The following SERPINB11 variants were observed in gnomAD, a reference collection of about 807,000 sequenced individuals.
The protein encoded by SERPINB11 is serpin family B member 11.
A neutral mutation model predicts 36.7 loss-of-function variants in SERPINB11; 32 were observed. That is an observed-to-expected ratio of 0.87 (90% CI 0.66 to 1.17). The LOEUF is 1.17. Ranked by LOEUF, SERPINB11 falls within the 50% of genes most tolerant of loss-of-function variation. The pLI is 0.00. For missense variants in SERPINB11, 528 were observed against 458.4 expected, an observed-to-expected ratio of 1.15 and a Z score of -1.39; for synonymous variants, 174 against 168.1, an observed-to-expected ratio of 1.04 and a Z score of -0.27.
Position 63,716,109 on chromosome 18 carries a change from A to C in SERPINB11, c.432A>C (p.Glu144Asp), listed in dbSNP as rs1350577209. 1 of 1,611,446 alleles carries C rather than the reference A, an allele frequency of 6.2e-7. No individual in the cohort carries two copies. The highest frequency in any genetic ancestry group is 8.5e-7 in the Non-Finnish European group (1 of 1,178,382). Residue 144 changes from glutamate (E) to aspartate (D), a missense_variant, in exon 5 of 8, where the codon GAA (glutamate) becomes GAC (aspartate). By Grantham distance (45) the Glu-to-Asp change is conservative. Coordinates refer to ENST00000544088, the MANE Select transcript of SERPINB11 (RefSeq NM_001370475.1). The part of the protein sequence containing the change: ...QTVDFEQSTE[E>D]TRKTINAWVE... ...TGGATTTTGAACAGTCTACAGAAGA[A>C]ACGAGGAAAACGATTAATGCTTGGG...
intron 4 of SERPINB11, among the ~76,000 whole-genome samples, chr18:63,713,922 T>C (rs1321385132): frequency 5.3e-5 from 8 of 152,168 alleles, no homozygotes; most frequent in Admixed American, 5.2e-4. Flanking sequence ...GGATTCTGGC[T>C]GGGAAAAAGT....
chr18:63,714,459 A>G (rs753423213), intron 4 of SERPINB11, among the ~76,000 whole-genome samples: 7 of 152,078 alleles, frequency 4.6e-5, no homozygotes, highest in Non-Finnish European at 7.4e-5. Flanking sequence ...CCTCGTCCTG[A>G]TAGGCCTGGG....
Position 63,712,587 on chromosome 18 carries a change from A to C in SERPINB11, c.251A>C (p.His84Pro), listed in dbSNP as rs1422802591. ...SPKCSQAGRI[H>P]SEFGVEFSQI... ...CAGTGCAGCCAAGCTGGAAGAATTC[A>C]TTCCGAGTTTGGTGTCGAATTCTCT... Residue 84 changes from histidine (H) to proline (P), a missense_variant, in exon 4 of 8, where the codon CAT becomes CCT. His to Pro is a moderately conservative substitution (Grantham distance 77). Transcript: ENST00000544088. 5 of 1,613,694 alleles carry C rather than the reference A, an allele frequency of 3.1e-6. No homozygotes were observed. Among genetic ancestry groups the C allele is most frequent in the Non-Finnish European group, 4.2e-6 (5 of 1,179,722 alleles).
intron 6 of SERPINB11, 124 bp from the exon 7 acceptor site, chr18:63,720,707 T>C: frequency 1.5e-6 from 1 of 660,246 alleles, no homozygotes; most frequent in Non-Finnish European, 2.5e-6. Context: ...ATCTACTTTG[T>C]AGTTTCTATT....
intron 5 of SERPINB11, among the ~76,000 whole-genome samples, chr18:63,717,969 T>C (rs1176822601): frequency 1.3e-5 from 2 of 152,100 alleles, no homozygotes; most frequent in African/African-American, 4.8e-5. Context: ...AGAAGTTTTA[T>C]TGTTTTATTA....
At chr18:63,704,576 C>T (rs1303017352) in intron 1 of SERPINB11, among the ~76,000 whole-genome samples, 1 of 152,158 alleles carries the variant, frequency 6.6e-6, no homozygotes, top group Non-Finnish European at 1.5e-5. Context: ...TTGAATTATT[C>T]TAATTCAAAC....
intron 1 of SERPINB11, among the ~76,000 whole-genome samples, chr18:63,706,011 T>C (rs536275244): frequency 2.0e-5 from 3 of 152,348 alleles, no homozygotes; most frequent in South Asian, 4.1e-4. Context: ...AGGTACAGAA[T>C]TGTATTTTAG....
At chr18:63,715,917 C>A (rs1022661441) in intron 4 of SERPINB11, 118 bp from the exon 5 acceptor site, 3 of 575,412 alleles carry the variant, frequency 5.2e-6, no homozygotes, top group African/African-American at 3.9e-5. Flanking sequence ...TCCTCTCAGA[C>A]TTGTTTATGG....
At position 63,723,720 on chromosome 18, in the gene SERPINB11, CTGT is replaced by C; in HGVS notation, c.*322_*324del. 1 of 224,194 alleles carries C rather than the reference CTGT, an allele frequency of 4.5e-6. No homozygotes were observed. 13.9% of individuals were successfully genotyped at this position (224,194 alleles called of 1,614,324 possible). A position where few individuals can be genotyped will look rare whatever the true frequency, so the allele number is the denominator to read the frequency against. ...TTAGATTTTCTTGACTTGTATGTAT[CTGT>C]GAGATCTTGAATAAGTGACCTGACA... is the stretch of plus-strand genomic sequence containing the variant. On this transcript the variant is annotated 3_prime_UTR_variant, in exon 8 of 8. Transcript: ENST00000544088.
intron 7 of SERPINB11, among the ~76,000 whole-genome samples, chr18:63,721,976 C>T (rs746728920): frequency 5.3e-5 from 8 of 152,142 alleles, no homozygotes; most frequent in Non-Finnish European, 1.2e-4. Flanking sequence ...AGAAAGTTTT[C>T]TGGAAGTAGA....
At chr18:63,715,189 A>G (rs11152404) in intron 4 of SERPINB11, among the ~76,000 whole-genome samples, 56,416 of 151,876 alleles carry the variant, frequency 0.37, 11,332 homozygotes, top group East Asian at 0.61. Flanking sequence ...TGGGGCATTG[A>G]GTCCCACTGG....
chr18:63,706,654 G>A (rs988123007), intron 1 of SERPINB11, among the ~76,000 whole-genome samples: 3 of 152,118 alleles, frequency 2.0e-5, no homozygotes, highest in Non-Finnish European at 4.4e-5. Context: ...AGTGAACAAG[G>A]GTGTATAGAA....
chr18:63,716,200 A>C, intron 5 of SERPINB11, 48 bp downstream of exon 5: 1 of 1,204,964 alleles, frequency 8.3e-7, no homozygotes, highest in Non-Finnish European at 1.2e-6. Context: ...TGTGTTGATA[A>C]GCAACCTGAG....
upstream of SERPINB11, chr18:63,702,421 T>C (rs931554516): frequency 6.6e-6 from 1 of 152,098 alleles, no homozygotes; most frequent in Admixed American, 6.6e-5. Context: ...TGAAACCCTG[T>C]CTCCACTAAA....
Position 63,710,216 on chromosome 18 carries a change from A to C in SERPINB11, c.23A>C (p.Asn8Thr). The change falls in exon 2 of 8, where the codon AAC becomes ACC. Residue 8 changes from asparagine to threonine, a missense_variant. Coordinates refer to ENST00000544088, the MANE Select transcript of SERPINB11 (RefSeq NM_001370475.1). ...AAAATGGGTTCTCTCAGCACAGCTA[A>C]CGTTGAATTTTGCCTTGATGTGTTC... MGSLSTA[N>T]VEFCLDVFKE... The C allele has an allele frequency of 6.2e-7, 1 of 1,611,728 alleles. No homozygotes were observed. Among genetic ancestry groups the C allele is most frequent in the Non-Finnish European group, 8.5e-7 (1 of 1,179,060 alleles).
At chr18:63,708,615 G>A (rs542519845) in intron 1 of SERPINB11, among the ~76,000 whole-genome samples, 7 of 152,306 alleles carry the variant, frequency 4.6e-5, no homozygotes, top group African/African-American at 1.7e-4. Flanking sequence ...GCTGGAGAGA[G>A]GGGTTAGAAA....
At chr18:63,721,743 G>C (rs1345385714) in intron 7 of SERPINB11, among the ~76,000 whole-genome samples, 2 of 152,166 alleles carry the variant, frequency 1.3e-5, no homozygotes, top group African/African-American at 2.4e-5. Flanking sequence ...GGTAGGGAAG[G>C]CTTCTTGAAA....
At chr18:63,712,122 G>C (rs1914541234) in intron 3 of SERPINB11, among the ~76,000 whole-genome samples, 1 of 152,074 alleles carries the variant, frequency 6.6e-6, no homozygotes, top group African/African-American at 2.4e-5. Flanking sequence ...GCAAATTAGT[G>C]TGTGAAGTCA....
At chr18:63,713,915 T>C (rs780808899) in intron 4 of SERPINB11, among the ~76,000 whole-genome samples, 6 of 152,178 alleles carry the variant, frequency 3.9e-5, no homozygotes, top group African/African-American at 9.6e-5. Context: ...TATTTCAGGA[T>C]TCTGGCTGGG....
Sources: allele counts gnomAD v4.1 joint callset (sites outside exome capture counted in the v4.1 genomes callset), GRCh38; gene constraint gnomAD v4.1.1; transcripts MANE v1.5; gene names NCBI Gene and HGNC (gene_info 2026-07-23, HGNC 2026-07-21).